The following ITGA9 variants were observed in gnomAD, a reference collection of about 807,000 sequenced individuals.
ITGA9 encodes the protein integrin subunit alpha 9.
Under a neutral mutation model 127.8 loss-of-function variants are expected in ITGA9, and 56 were observed. The observed-to-expected ratio is 0.44, with a 90% CI of 0.35 to 0.55. The LOEUF is 0.55. ITGA9 is among the 20% of genes least tolerant of loss of function. The pLI, the probability that ITGA9 is intolerant of heterozygous loss-of-function variation, is 0.00. For synonymous variants in ITGA9, 508 were observed against 514.5 expected (o/e 0.99, Z 0.17); for missense variants, 1,196 against 1,347.1 (o/e 0.89, Z 1.76).
chr3:37,533,590 C>T, intron 14 of ITGA9, 122 bp downstream of exon 14: 1 of 910,804 alleles, frequency 1.1e-6, no homozygotes. Context: ...GGCACACAGG[C>T]TGGACATCCT....
chr3:37,686,869 G>A (rs1004178364), intron 18 of ITGA9, among the ~76,000 whole-genome samples: 8 of 152,116 alleles, frequency 5.3e-5, no homozygotes, highest in Non-Finnish European at 1.0e-4. Flanking sequence ...GATAAACAGC[G>A]GATGTAAATG....
chr3:37,742,461 G>A (rs564116478), intron 21 of ITGA9, among the ~76,000 whole-genome samples: 8 of 152,186 alleles, frequency 5.3e-5, no homozygotes, highest in Non-Finnish European at 1.0e-4. Flanking sequence ...TGCAGTCTGT[G>A]GAGACCTGAA....
chr3:37,706,014 G>A (rs953449332), intron 18 of ITGA9, among the ~76,000 whole-genome samples: 1 of 152,200 alleles, frequency 6.6e-6, no homozygotes, highest in African/African-American at 2.4e-5. Context: ...CTTAAGGTTG[G>A]AGGCAGCAAA....
chr3:37,628,321 C>T (rs1700196755), intron 15 of ITGA9, among the ~76,000 whole-genome samples: 1 of 152,156 alleles, frequency 6.6e-6, no homozygotes, highest in Non-Finnish European at 1.5e-5. Context: ...AGCTTTACTC[C>T]TGCGTCTAAC....
intron 24 of ITGA9, among the ~76,000 whole-genome samples, chr3:37,778,450 T>TC (rs1196208631): frequency 6.6e-6 from 1 of 151,998 alleles, no homozygotes; most frequent in Non-Finnish European, 1.5e-5. Context: ...AAACCCTGTA[T>TC]CTACTAAAAA....
rs1371314586 is a variant in ITGA9 at position 37,629,835 on chromosome 3, G to T, written c.1839+499G>T. Among the ~76,000 whole-genome samples, 2 of 152,192 alleles carry T rather than the reference G, an allele frequency of 1.3e-5. No homozygotes were observed. On this transcript the variant is annotated intron_variant, in intron 16 of 27. Coordinates refer to ENST00000264741, the MANE Select transcript of ITGA9 (RefSeq NM_002207.3). This position sits in a 1 kb window ranked among gnomAD's most constrained non-coding sequence, Gnocchi z 4.5. The stretch of plus-strand genomic sequence containing the variant: ...GTGGTCCACACTCATCAGATTCTGG[G>T]ATGTGCGGCTGTGTAGAGAAGCTTT...
intron 25 of ITGA9, among the ~76,000 whole-genome samples, chr3:37,784,257 A>G (rs565063155): frequency 6.6e-6 from 1 of 151,968 alleles, no homozygotes; most frequent in Non-Finnish European, 1.5e-5. Flanking sequence ...TCTTCTTCCA[A>G]ATTCTTTCTC....
chr3:37,806,266 G>A lies in ITGA9; in HGVS notation c.3009+2324G>A, dbSNP rs983404091. On this transcript the variant is annotated intron_variant, in intron 27 of 27. Coordinates refer to ENST00000264741, the MANE Select transcript of ITGA9 (RefSeq NM_002207.3). This position sits in a 1 kb window ranked among gnomAD's most constrained non-coding sequence, Gnocchi z 4.3. ...GGCTTCTTGCTGAGTTGAGGGCTTT[G>A]GTGCATGAGTGTGTGTGGGTGTGTG... 5 of 151,846 alleles carry A rather than the reference G, an allele frequency of 3.3e-5. No homozygotes were observed. Among genetic ancestry groups the A allele is most frequent in the Non-Finnish European group, 7.3e-5 (5 of 68,088 alleles). 9.4% of individuals were successfully genotyped at this position (151,846 alleles called of 1,614,324 possible). A position where few individuals can be genotyped will look rare whatever the true frequency, so the allele number is the denominator to read the frequency against.
intron 11 of ITGA9, among the ~76,000 whole-genome samples, chr3:37,522,858 A>G (rs1291060526): frequency 6.6e-6 from 1 of 152,182 alleles, no homozygotes; most frequent in Non-Finnish European, 1.5e-5. Context: ...AGGGCAGGGC[A>G]TCTTCTTCAG....
At chr3:37,641,277 T>G (rs1700330811) in intron 16 of ITGA9, among the ~76,000 whole-genome samples, 1 of 152,102 alleles carries the variant, frequency 6.6e-6, no homozygotes, top group African/African-American at 2.4e-5. Flanking sequence ...GGGATCTAGA[T>G]TGTGCCGAAA....
Position 37,667,304 on chromosome 3 carries a change from G to A in ITGA9, c.1916+13514G>A, listed in dbSNP as rs78120906. On this transcript the variant is annotated intron_variant, in intron 17 of 27. Transcript: ENST00000264741. Reference sequence around the variant, plus strand: ...ATGATAACTATTCTCTATTGCATTCGTCTGGACCCTTTTTTCCCCTTCACT... The same window carrying A: ...ATGATAACTATTCTCTATTGCATTCATCTGGACCCTTTTTTCCCCTTCACT... 4.9e-3 allele frequency among the ~76,000 whole-genome samples: 751 copies of A among 152,170 alleles called. 5 individuals are homozygous for A. The highest frequency in any genetic ancestry group is 0.017 in the African/African-American group (714 of 41,500).
At chr3:37,648,953 G>C (rs909888953) in intron 16 of ITGA9, among the ~76,000 whole-genome samples, 1 of 151,634 alleles carries the variant, frequency 6.6e-6, no homozygotes, top group Non-Finnish European at 1.5e-5. Context: ...ATGTAACTTG[G>C]GGGGAGCAGA....
Position 37,659,078 on chromosome 3 carries a change from A to T in ITGA9, c.1916+5288A>T, listed in dbSNP as rs1700507781. ...GTCTGATGGGCTTCCCTTTGTGGGT[A>T]ACCCAACCTTTCTCTCTGGCTGCCC... On this transcript the variant is annotated intron_variant, in intron 17 of 27. Coordinates refer to ENST00000264741, the MANE Select transcript of ITGA9 (RefSeq NM_002207.3). 2.6e-5 allele frequency among the ~76,000 whole-genome samples: 4 copies of T among 152,282 alleles called. No individual in the cohort carries two copies. In the Middle Eastern group the frequency reaches 0.01, roughly 388 times the overall value.
chr3:37,528,973 G>T (rs1227964523), intron 13 of ITGA9, among the ~76,000 whole-genome samples: 1 of 151,836 alleles, frequency 6.6e-6, no homozygotes, highest in Non-Finnish European at 1.5e-5. Flanking sequence ...GATCCATCTT[G>T]CCCATTCTAG....
intron 23 of ITGA9, among the ~76,000 whole-genome samples, chr3:37,766,230 C>G (rs945501305): frequency 2.6e-5 from 4 of 152,214 alleles, no homozygotes; most frequent in African/African-American, 9.7e-5. Flanking sequence ...GACATACACC[C>G]CAAGTTTCTT....
intron 18 of ITGA9, among the ~76,000 whole-genome samples, chr3:37,720,332 A>G (rs1701178362): frequency 6.6e-6 from 1 of 152,198 alleles, no homozygotes; most frequent in Non-Finnish European, 1.5e-5. Flanking sequence ...TCATCCAAAC[A>G]CCATTCATGA....
At chr3:37,676,371 G>T (rs1362473478) in intron 17 of ITGA9, among the ~76,000 whole-genome samples, 1 of 152,138 alleles carries the variant, frequency 6.6e-6, no homozygotes, top group Non-Finnish European at 1.5e-5. Flanking sequence ...CAACCATATG[G>T]GGCAGCTCTG....
chr3:37,493,689 T>G (rs1210888257), intron 4 of ITGA9, among the ~76,000 whole-genome samples: 1 of 152,200 alleles, frequency 6.6e-6, no homozygotes, highest in East Asian at 1.9e-4. Context: ...ACTTAACCTC[T>G]CTGAGCCTCA....
At chr3:37,542,346 T>A (rs1321089496) in intron 14 of ITGA9, 79 bp from the exon 15 acceptor site, 1 of 1,472,186 alleles carries the variant, frequency 6.8e-7, no homozygotes, top group Admixed American at 1.7e-5. Flanking sequence ...GTGCATGTGA[T>A]CCTGTGACAA....
Sources: allele counts gnomAD v4.1 joint callset (sites outside exome capture counted in the v4.1 genomes callset), GRCh38; gene constraint gnomAD v4.1.1; non-coding constraint Gnocchi (gnomAD v3.1); transcripts MANE v1.5; gene names NCBI Gene and HGNC (gene_info 2026-07-23, HGNC 2026-07-21).